FBXW8: variants seen among roughly 807,000 people sequenced by gnomAD.
FBXW8 encodes the protein F-box and WD repeat domain containing 8, also known as F-box/WD repeat-containing protein 8.
A neutral mutation model predicts 65.3 loss-of-function variants in FBXW8; 57 were observed. The ratio of observed to expected loss-of-function variants is 0.87; its 90% CI spans 0.71 to 1.09. FBXW8 has a LOEUF of 1.09. Among genes scored for constraint, FBXW8 ranks in the 50% least tolerant of loss-of-function variants. The probability of loss-of-function intolerance (pLI) is 0.00; values close to 1 mark genes in which losing one functional copy is unlikely to be tolerated. For missense variants in FBXW8, 777 were observed against 814.8 expected (o/e 0.95, Z 0.57); for synonymous variants, 308 against 330.2 (o/e 0.93, Z 0.73).
At chr12:116,973,177 A>C (rs747756050) in intron 5 of FBXW8, among the ~76,000 whole-genome samples, 8 of 152,202 alleles carry the variant, frequency 5.3e-5, no homozygotes, top group African/African-American at 9.6e-5. Context: ...AAATAAACAG[A>C]TCAATAAATA....
intron 7 of FBXW8, among the ~76,000 whole-genome samples, chr12:117,009,205 C>T (rs1379513126): frequency 2.0e-5 from 3 of 152,118 alleles, no homozygotes; most frequent in Non-Finnish European, 4.4e-5. Context: ...GACCGCTTCT[C>T]TACTTAAAAA....
chr12:116,957,842 T>G (rs892311990), intron 4 of FBXW8, among the ~76,000 whole-genome samples: 1 of 152,240 alleles, frequency 6.6e-6, no homozygotes, highest in Admixed American at 6.5e-5. Context: ...GTATACATGC[T>G]CTTCTGGTAA....
chr12:116,985,194 C>G lies in FBXW8; in HGVS notation c.836-12C>G, dbSNP rs775116891. On this transcript the variant is annotated splice_polypyrimidine_tract_variant and intron_variant, in intron 5 of 10. Coordinates refer to ENST00000652555, the MANE Select transcript of FBXW8 (RefSeq NM_153348.3). ...TTTAAAATTGTTACCTGCATTGTTT[C>G]TTGCTGCATAGGGTTTCTTAATATT... The G allele has an allele frequency of 5.1e-6, 8 of 1,568,456 alleles. No individual in the cohort carries two copies. Among genetic ancestry groups the G allele is most frequent in the Non-Finnish European group, 6.9e-6 (8 of 1,159,824 alleles).
chr12:116,986,680 TCA>T (rs1305138076), intron 6 of FBXW8: 2 of 151,570 alleles, frequency 1.3e-5, no homozygotes, highest in African/African-American at 4.8e-5. Flanking sequence ...AGACCAGCAA[TCA>T]CTGTATGGAC....
chr12:117,017,807 C>T (rs551116273), intron 8 of FBXW8, among the ~76,000 whole-genome samples: 2 of 152,266 alleles, frequency 1.3e-5, no homozygotes, highest in South Asian at 4.2e-4. Context: ...AGCTTGCCAT[C>T]AGCTACGGTG....
rs144672119 is a variant in FBXW8 at position 116,945,481 on chromosome 12, T to C, written c.541T>C (p.Phe181Leu). The change falls in exon 3 of 11, where the codon TTC (phenylalanine) becomes CTC (leucine). Residue 181 changes from phenylalanine to leucine, a missense_variant. Transcript: ENST00000652555. ...TGACTATTCTTGCTGGAAGCTCATC[T>C]TCCAAGAGTGCCGAGCCAAGGAACA... ...ISDYSCWKLI[F>L]QECRAKEHML... 1.2e-6 allele frequency: 2 copies of C among 1,614,168 alleles called. No individual in the cohort carries two copies. The highest frequency in any genetic ancestry group is 1.7e-6 in the Non-Finnish European group (2 of 1,180,016).
chr12:116,934,012 A>T (rs11614947), intron 2 of FBXW8, among the ~76,000 whole-genome samples: 16,338 of 152,150 alleles, frequency 0.11, 1,066 homozygotes, highest in Middle Eastern at 0.21. Context: ...CCATGAACTA[A>T]ATGTATGCCC....
chr12:116,954,387 T>A (rs1592883606), intron 4 of FBXW8, among the ~76,000 whole-genome samples: 1 of 152,182 alleles, frequency 6.6e-6, no homozygotes, highest in East Asian at 1.9e-4. Context: ...TTCTTTGACT[T>A]GTTGCAAAAA....
intron 5 of FBXW8, among the ~76,000 whole-genome samples, chr12:116,973,134 A>G (rs115048540): frequency 1.3e-3 from 193 of 152,352 alleles, no homozygotes; most frequent in Middle Eastern, 6.8e-3. Flanking sequence ...AACCCATTGA[A>G]TAAAATAGGA....
intron 9 of FBXW8, among the ~76,000 whole-genome samples, chr12:117,025,383 A>G (rs769730050): frequency 2.1e-4 from 32 of 152,242 alleles, no homozygotes; most frequent in East Asian, 5.8e-4. Context: ...ATGACAACAT[A>G]GAAGAGCAGA....
At chr12:117,027,692 A>G (rs939005058) in intron 10 of FBXW8, among the ~76,000 whole-genome samples, 188 bp downstream of exon 10, 2 of 152,182 alleles carry the variant, frequency 1.3e-5, no homozygotes, top group African/African-American at 2.4e-5. Context: ...GATGCAGGAC[A>G]GCCCCGTGGG....
chr12:116,921,951 C>T (rs1378721077), intron 1 of FBXW8, among the ~76,000 whole-genome samples: 1 of 151,286 alleles, frequency 6.6e-6, no homozygotes, highest in Non-Finnish European at 1.5e-5. Flanking sequence ...CCTCAGCCTC[C>T]TAAGTAGCTG....
rs750079388 is a variant in FBXW8 at position 116,988,898 on chromosome 12, C to A, written c.1239+29C>A. The A allele has an allele frequency of 7.7e-6, 12 of 1,568,386 alleles. No homozygotes were observed. In the Admixed American group the frequency reaches 8.8e-5, roughly 12 times the overall value. On this transcript the variant is annotated intron_variant, in intron 7 of 10. Coordinates refer to ENST00000652555, the MANE Select transcript of FBXW8 (RefSeq NM_153348.3). ...CACAACTAGCAAGATATATAATTAA[C>A]AAAAAAGAATATAGATTTATTTTTT... is the stretch of plus-strand genomic sequence containing the variant.
At position 116,911,140 on chromosome 12, in the gene FBXW8, C is replaced by T; in HGVS notation, c.103C>T (p.Arg35Trp). The change falls in exon 1 of 11, where the codon CGG (arginine) becomes TGG (tryptophan). Residue 35 changes from arginine to tryptophan, a missense_variant. Physicochemically the swap from Arg to Trp is moderately radical, Grantham distance 101 (BLOSUM62 -3). Coordinates refer to ENST00000652555, the MANE Select transcript of FBXW8 (RefSeq NM_153348.3). ...GCGACGGCCCGAGGCTGCCGAGAGG[C>T]GGGCTCGGCGGCCGGAGGTGGGCTC... ...KRRRPEAAER[R>W]ARRPEVGSGR... 1 of 1,350,260 alleles carries T rather than the reference C, an allele frequency of 7.4e-7. No individual in the cohort carries two copies. The highest frequency in any genetic ancestry group is 9.4e-7 in the Non-Finnish European group (1 of 1,059,880). The allele number at this position is 1,350,260 out of a possible 1,614,324, so 83.6% of individuals were successfully genotyped here.
At chr12:116,957,358 TA>T (rs1565913802) in intron 4 of FBXW8, among the ~76,000 whole-genome samples, 1 of 152,098 alleles carries the variant, frequency 6.6e-6, no homozygotes, top group Non-Finnish European at 1.5e-5. Flanking sequence ...AATTTTTTTT[TA>T]AAAAAGGACC....
intron 5 of FBXW8, among the ~76,000 whole-genome samples, chr12:116,981,854 T>TA (rs1565925083): frequency 6.6e-6 from 1 of 152,116 alleles, no homozygotes; most frequent in Non-Finnish European, 1.5e-5. Flanking sequence ...CCTCAAGTGA[T>TA]ACGCCCACCG....
chr12:116,929,053 G>T (rs1049522200), intron 2 of FBXW8, among the ~76,000 whole-genome samples: 55 of 152,134 alleles, frequency 3.6e-4, no homozygotes, highest in African/African-American at 1.1e-3. Context: ...TGATCTGCCC[G>T]CCTTGGCCTC....
Position 116,933,774 on chromosome 12 carries a change from C to A in FBXW8, c.423+5647C>A, listed in dbSNP as rs187836545. Among the ~76,000 whole-genome samples the A allele has an allele frequency of 5.4e-3, 822 of 152,302 alleles. 11 individuals are homozygous for A. The highest frequency in any genetic ancestry group is 0.019 in the African/African-American group (793 of 41,556). ...GTAGTTTGTAGAATTGGCTTTGTTT[C>A]ATCAATCATTAAAATTAAAACCACA... is the stretch of plus-strand genomic sequence containing the variant. On this transcript the variant is annotated intron_variant, in intron 2 of 10. Coordinates refer to ENST00000652555, the MANE Select transcript of FBXW8 (RefSeq NM_153348.3).
At chr12:116,930,394 T>A (rs184312964) in intron 2 of FBXW8, among the ~76,000 whole-genome samples, 23 of 152,332 alleles carry the variant, frequency 1.5e-4, no homozygotes, top group Admixed American at 3.3e-4. Context: ...TGATGATTAG[T>A]ATTGTTGAGC....
Sources: allele counts gnomAD v4.1 joint callset (sites outside exome capture counted in the v4.1 genomes callset), GRCh38; gene constraint gnomAD v4.1.1; transcripts MANE v1.5; gene names NCBI Gene and HGNC (gene_info 2026-07-23, HGNC 2026-07-21).